Variants in IGSF3 observed in about 807,000 individuals in gnomAD.
IGSF3 encodes the protein glu-Trp-Ile EWI motif-containing protein 3.
IGSF3 carries 23 observed loss-of-function variants against 114.4 expected under a neutral mutation model. The observed-to-expected ratio is 0.20, with a 90% CI of 0.14 to 0.28. The LOEUF (loss-of-function observed/expected upper bound fraction) is 0.28. Among genes scored for constraint, IGSF3 ranks in the 10% least tolerant of loss-of-function variants. The probability of loss-of-function intolerance (pLI) is 1.00; values close to 1 mark genes in which losing one functional copy is unlikely to be tolerated. For missense variants in IGSF3, 1,172 were observed against 1,591.5 expected (o/e 0.74, Z 4.48); for synonymous variants, 571 against 645.2 (o/e 0.88, Z 1.74).
At chr1:116,591,939 A>G (rs1044495607) in intron 7 of IGSF3, among the ~76,000 whole-genome samples, 5 of 152,242 alleles carry the variant, frequency 3.3e-5, no homozygotes, top group Admixed American at 6.5e-5. Flanking sequence ...GTCTATAAAA[A>G]GAGTTTAGCA....
chr1:116,588,281 C>T lies in IGSF3; in HGVS notation c.2440+413G>A, dbSNP rs758205478. On this transcript the variant is annotated intron_variant, in intron 8 of 10. Transcript: ENST00000369486. The surrounding 1 kb of genome is among the most constrained non-coding windows in gnomAD (Gnocchi z 4.9). ...TGGGAGCTAAGGAAGAAGGGGGATG[C>T]AGATGCATAAAACCAGAAAATGCCT... Among the ~76,000 whole-genome samples the T allele has an allele frequency of 6.8e-4, 103 of 152,122 alleles. 4 individuals carry two copies. Among genetic ancestry groups the T allele is most frequent in the Non-Finnish European group, 1.9e-4 (13 of 68,016 alleles).
chr1:116,646,497 G>A (rs1648377823), intron 2 of IGSF3, among the ~76,000 whole-genome samples: 1 of 146,708 alleles, frequency 6.8e-6, no homozygotes, highest in South Asian at 2.3e-4. Context: ...GAGAAGGTTA[G>A]GTTTTGGCTC....
At chr1:116,590,689 C>G (rs1305303610) in intron 7 of IGSF3, among the ~76,000 whole-genome samples, 1 of 152,082 alleles carries the variant, frequency 6.6e-6, no homozygotes, top group African/African-American at 2.4e-5. Flanking sequence ...AGACCCAGGA[C>G]CCAGCCCACT....
At chr1:116,587,376 G>C (rs541104301) in intron 8 of IGSF3, among the ~76,000 whole-genome samples, 78 of 152,144 alleles carry the variant, frequency 5.1e-4, no homozygotes, top group Non-Finnish European at 7.9e-4. Flanking sequence ...AGGAAATCTA[G>C]AGTGATGAGG....
chr1:116,646,055 C>A (rs1306397968), intron 2 of IGSF3, among the ~76,000 whole-genome samples: 4 of 152,346 alleles, frequency 2.6e-5, no homozygotes, highest in African/African-American at 7.2e-5. Context: ...TGGCCTCAGG[C>A]CTCTCACTTC....
rs1468647242 is a variant in IGSF3 at position 116,625,478 on chromosome 1, G to A, written c.44-9021C>T. Among the ~76,000 whole-genome samples the A allele has an allele frequency of 6.6e-6, 1 of 152,238 alleles. No individual in the cohort carries two copies. The highest frequency in any genetic ancestry group is 1.5e-5 in the Non-Finnish European group (1 of 68,042). On this transcript the variant is annotated intron_variant, in intron 2 of 10. Coordinates refer to ENST00000369486, the MANE Select transcript of IGSF3 (RefSeq NM_001007237.3). The surrounding 1 kb of genome is among the most constrained non-coding windows in gnomAD (Gnocchi z 4.7). Reference sequence around the variant, plus strand: ...TGACTGGAGGGCACATCAGTGCCAGGCGGAAAAGGGCACCGAAAGGCACAT... The same window carrying A: ...TGACTGGAGGGCACATCAGTGCCAGACGGAAAAGGGCACCGAAAGGCACAT...
At chr1:116,653,219 A>G (rs982973965) in intron 2 of IGSF3, among the ~76,000 whole-genome samples, 1 of 152,242 alleles carries the variant, frequency 6.6e-6, no homozygotes, top group Non-Finnish European at 1.5e-5. Context: ...CACAGAGTAA[A>G]AAGCCTACTT....
In IGSF3 at chr1:116,577,453, A is replaced by G. The variant is rs1659397413; in HGVS notation, c.3444T>C (p.Arg1148=). ...TCTTGCTGGAGTTCCGGCTCTTGAA[A>G]CGCACCAGAAGGATGGTGATGATAA... ...GILIITILLV[R]FKSRNSSKNS... The change falls in exon 11 of 11, where the codon CGT becomes CGC. Residue 1148 remains arginine (R), a synonymous_variant. Coordinates refer to ENST00000369486, the MANE Select transcript of IGSF3 (RefSeq NM_001007237.3). This position sits in a 1 kb window ranked among gnomAD's most constrained non-coding sequence, Gnocchi z 5.7. 1 of 1,614,146 alleles carries G rather than the reference A, an allele frequency of 6.2e-7. No homozygotes were observed. Among genetic ancestry groups the G allele is most frequent in the Non-Finnish European group, 8.5e-7 (1 of 1,180,030 alleles).
chr1:116,616,050 G>A lies in IGSF3; in HGVS notation c.421+30C>T, dbSNP rs773261256. ...ACTAAAGAACTGAGTCAGGCCAGACGCTGGCAACGTGAAGACAGCTTCTCC... is the reference window on the plus strand; with the variant it reads ...ACTAAAGAACTGAGTCAGGCCAGACACTGGCAACGTGAAGACAGCTTCTCC... On this transcript the variant is annotated intron_variant, in intron 3 of 10. Coordinates refer to ENST00000369486, the MANE Select transcript of IGSF3 (RefSeq NM_001007237.3). This position sits in a 1 kb window ranked among gnomAD's most constrained non-coding sequence, Gnocchi z 6.6. The A allele has an allele frequency of 1.9e-5, 30 of 1,568,802 alleles. No homozygotes were observed. Among genetic ancestry groups the A allele is most frequent in the Admixed American group, 3.4e-5 (2 of 58,480 alleles).
intron 6 of IGSF3, among the ~76,000 whole-genome samples, chr1:116,601,013 C>G (rs1660555552): frequency 6.6e-6 from 1 of 152,176 alleles, no homozygotes; most frequent in Admixed American, 6.5e-5. Context: ...AATATGAGTA[C>G]CTCAGAGCTC....
Position 116,598,816 on chromosome 1 carries a change from C to G in IGSF3, c.2029+1125G>C, listed in dbSNP as rs773020757. ...CACCCTCCACCAGCTTCTAACCTGG[C>G]AGGAGACAAGGACAGATGCAGGAAA... On this transcript the variant is annotated intron_variant, in intron 7 of 10. Transcript: ENST00000369486. This position sits in a 1 kb window ranked among gnomAD's most constrained non-coding sequence, Gnocchi z 4.3. Among the ~76,000 whole-genome samples the G allele has an allele frequency of 6.6e-6, 1 of 152,242 alleles. No homozygotes were observed. Among genetic ancestry groups the G allele is most frequent in the Non-Finnish European group, 1.5e-5 (1 of 68,040 alleles).
intron 2 of IGSF3, among the ~76,000 whole-genome samples, chr1:116,637,372 G>A (rs1647881728): frequency 6.6e-6 from 1 of 152,194 alleles, no homozygotes; most frequent in Admixed American, 6.5e-5. Flanking sequence ...ACTGATGTAG[G>A]TAGGCACTAA....
rs1278073943 is a variant in IGSF3 at position 116,615,198 on chromosome 1, C to T, written c.421+882G>A. The stretch of plus-strand genomic sequence containing the variant: ...CTGAGGCAGAAGAATTGCTTGAACC[C>T]GGGAGGTGGAGGTTGCAGTGAGCCA... On this transcript the variant is annotated intron_variant, in intron 3 of 10. Transcript: ENST00000369486. The surrounding 1 kb of genome is among the most constrained non-coding windows in gnomAD (Gnocchi z 4.3). 6.6e-6 allele frequency among the ~76,000 whole-genome samples: 1 copy of T among 151,910 alleles called. No homozygotes were observed. Among genetic ancestry groups the T allele is most frequent in the Non-Finnish European group, 1.5e-5 (1 of 68,000 alleles).
At chr1:116,667,011 G>C in intron 1 of IGSF3, 55 bp from the exon 2 acceptor site, 1 of 398,022 alleles carries the variant, frequency 2.5e-6, no homozygotes, top group Non-Finnish European at 4.4e-6. Context: ...AAACCCACTG[G>C]GGCTGAGCGC....
At position 116,626,177 on chromosome 1, in the gene IGSF3, T is replaced by C. The variant is rs544714618; in HGVS notation, c.44-9720A>G. 5.3e-5 allele frequency among the ~76,000 whole-genome samples: 8 copies of C among 152,324 alleles called. No homozygotes were observed. The South Asian group carries it at 1.0e-3, about 20-fold the overall frequency. On this transcript the variant is annotated intron_variant, in intron 2 of 10. Coordinates refer to ENST00000369486, the MANE Select transcript of IGSF3 (RefSeq NM_001007237.3). ...TAAGTCTTTTATCTCTTCTGACTAC[T>C]ACCACTAACCCTGCTTCCCCTCATT...
At chr1:116,623,334 C>T (rs1192279846) in intron 2 of IGSF3, among the ~76,000 whole-genome samples, 1 of 152,208 alleles carries the variant, frequency 6.6e-6, no homozygotes, top group Non-Finnish European at 1.5e-5. Context: ...CTAGTGACCT[C>T]ACTTTACGGA....
Position 116,600,315 on chromosome 1 carries a change from C to T in IGSF3, c.1655G>A (p.Arg552Gln), listed in dbSNP as rs1436338892. 5.0e-6 allele frequency: 8 copies of T among 1,610,592 alleles called. No homozygotes were observed. The highest frequency in any genetic ancestry group is 1.7e-5 in the Admixed American group (1 of 59,936). Reference sequence around the variant, plus strand: ...GTCGCTGTAGGTCACCCCCGGTGTCCGGGAGATGGCTGTGACTGCGAAGCC... The same window carrying T: ...GTCGCTGTAGGTCACCCCCGGTGTCTGGGAGATGGCTGTGACTGCGAAGCC... Reference protein sequence around the residue: ...EMGFAVTAISRTPGVTYSDSF... With the variant: ...EMGFAVTAISQTPGVTYSDSF... The change falls in exon 7 of 11, where the codon CGG becomes CAG. Residue 552 changes from arginine to glutamine, a missense_variant. Physicochemically the swap from Arg to Gln is conservative, Grantham distance 43 (BLOSUM62 1). Around this residue, in one of 3 missense-constraint regions of IGSF3, gnomAD observed 736 missense variants for 1,042.0 expected, o/e 0.71. Transcript: ENST00000369486. This position sits in a 1 kb window ranked among gnomAD's most constrained non-coding sequence, Gnocchi z 5.5.
rs915680345 is a variant in IGSF3, at chr1:116,584,780, T to G, written c.2713A>C (p.Ile905Leu). 1.2e-6 allele frequency: 2 copies of G among 1,614,124 alleles called. No individual in the cohort carries two copies. Among genetic ancestry groups the G allele is most frequent in the African/African-American group, 1.3e-5 (1 of 74,942 alleles). ...CTGTCCTGCACAGCCACGTTCTGGA[T>G]GAAGAGACGGTACACGCCGGGGGAA... Reference protein sequence around the residue: ...SPSPGVYRLFIQNVAVQDSGT... With the variant: ...SPSPGVYRLFLQNVAVQDSGT... The change falls in exon 9 of 11, where the codon ATC becomes CTC. Residue 905 changes from isoleucine (I) to leucine (L), a missense_variant. Ile to Leu is a conservative substitution (Grantham distance 5). Transcript: ENST00000369486. This position sits in a 1 kb window ranked among gnomAD's most constrained non-coding sequence, Gnocchi z 5.8.
At position 116,636,141 on chromosome 1, in the gene IGSF3, C is replaced by G. The variant is rs942415668; in HGVS notation, c.44-19684G>C. Among the ~76,000 whole-genome samples, 1 of 152,212 alleles carries G rather than the reference C, an allele frequency of 6.6e-6. No individual in the cohort carries two copies. The highest frequency in any genetic ancestry group is 2.4e-5 in the African/African-American group (1 of 41,452). ...CAAAAGGCCTTTGCCAGTCATCAAA[C>G]AAAGCCTCTTGTCTCCTGAGAGCCG... On this transcript the variant is annotated intron_variant, in intron 2 of 10. Transcript: ENST00000369486. This position sits in a 1 kb window ranked among gnomAD's most constrained non-coding sequence, Gnocchi z 4.5.
Sources: gnomAD v4.1 joint callset for allele counts (sites outside exome capture counted in the v4.1 genomes callset) on GRCh38, gnomAD v4.1.1 for gene constraint, gnomAD v4.1.1 regional missense constraint, Gnocchi (gnomAD v3.1) non-coding constraint, MANE v1.5 for transcripts, NCBI Gene and HGNC (gene_info 2026-07-23, HGNC 2026-07-21) for gene names.